LGALS2: variants seen among roughly 807,000 people sequenced by gnomAD.
LGALS2 encodes galectin-2.
Under a neutral mutation model 10.1 loss-of-function variants are expected in LGALS2, and 7 were observed. That is an observed-to-expected ratio of 0.70 (90% CI 0.40 to 1.31). The LOEUF (loss-of-function observed/expected upper bound fraction) is 1.31. Among genes scored for constraint, LGALS2 ranks in the 50% most tolerant of loss-of-function variants. The probability of loss-of-function intolerance (pLI) is 0.01; values close to 1 mark genes in which losing one functional copy is unlikely to be tolerated. For missense variants in LGALS2, 167 were observed against 163.6 expected (o/e 1.02, Z -0.11); for synonymous variants, 86 against 64.2 (o/e 1.34, Z -1.63).
chr22:37,576,574 T>C (rs923549058), intron 1 of LGALS2, among the ~76,000 whole-genome samples: 1 of 151,586 alleles, frequency 6.6e-6, no homozygotes, highest in Non-Finnish European at 1.5e-5. Context: ...AAGACAGGTG[T>C]GCCCGCCACA....
Position 37,570,323 on chromosome 22 carries a change from G to T in LGALS2, c.339C>A (p.His113Gln). 6.2e-7 allele frequency: 1 copy of T among 1,614,046 alleles called. No individual in the cohort carries two copies. The highest frequency in any genetic ancestry group is 8.5e-7 in the Non-Finnish European group (1 of 1,179,884). ...CGCCCCTTACGCTCAGGTAGCTCAGGTGGCTGTGACCCAGCCTGTTGGGAA... is the reference window on the plus strand; with the variant it reads ...CGCCCCTTACGCTCAGGTAGCTCAGTTGGCTGTGACCCAGCCTGTTGGGAA... ...LTFPNRLGHS[H>Q]LSYLSVRGGF... Residue 113 changes from histidine (H) to glutamine (Q), a missense_variant, in exon 4 of 4, where the codon CAC (histidine) becomes CAA (glutamine). Coordinates refer to ENST00000215886, the MANE Select transcript of LGALS2 (RefSeq NM_006498.3).
chr22:37,575,905 G>C (rs1290844802), intron 1 of LGALS2, among the ~76,000 whole-genome samples: 1 of 152,158 alleles, frequency 6.6e-6, no homozygotes, highest in Non-Finnish European at 1.5e-5. Context: ...GCATTTCTTT[G>C]TTGGGGTCTG....
At chr22:37,573,856 G>A (rs1000964964) in intron 1 of LGALS2, among the ~76,000 whole-genome samples, 3 of 150,774 alleles carry the variant, frequency 2.0e-5, no homozygotes, top group Non-Finnish European at 2.9e-5. Flanking sequence ...TCAGCCTCCC[G>A]AGTAGCTGGG....
chr22:37,576,941 G>T (rs1027873494), intron 1 of LGALS2, among the ~76,000 whole-genome samples: 1 of 146,176 alleles, frequency 6.8e-6, no homozygotes, highest in Non-Finnish European at 1.5e-5. Flanking sequence ...AGTCAAAGGC[G>T]CAGAGAGAGA....
Position 37,570,590 on chromosome 22 carries a change from C to A in LGALS2, c.235G>T (p.Gly79Trp), listed in dbSNP as rs902236826. 6.2e-6 allele frequency: 10 copies of A among 1,614,258 alleles called. No individual in the cohort carries two copies. Among genetic ancestry groups the A allele is most frequent in the Non-Finnish European group, 8.5e-6 (10 of 1,180,058 alleles). ...TTTGACCTCACCTTGACCTCTGACC[C>A]TGGGCTGAAGCACAGGTGATCTTCC... ...QREDHLCFSP[G>W]SEVKFTVTFE... Residue 79 changes from glycine (G) to tryptophan (W), a missense_variant, in exon 3 of 4, where the codon GGG becomes TGG. Physicochemically the swap from Gly to Trp is radical, Grantham distance 184. Coordinates refer to ENST00000215886, the MANE Select transcript of LGALS2 (RefSeq NM_006498.3).
At chr22:37,579,263 A>AAAAAAAAAAAAG (rs71195028) in intron 1 of LGALS2, among the ~76,000 whole-genome samples, 2 of 121,276 alleles carry the variant, frequency 1.6e-5, no homozygotes, top group Non-Finnish European at 3.4e-5. Flanking sequence ...AAAAAAAAAA[A>AAAAAAAAAAAAG]AGAGAAAGAA....
chr22:37,576,508 T>C (rs1925687084), intron 1 of LGALS2, among the ~76,000 whole-genome samples: 1 of 149,700 alleles, frequency 6.7e-6, no homozygotes, highest in Non-Finnish European at 1.5e-5. Flanking sequence ...CCATTATCTC[T>C]GGGAGATGAG....
At chr22:37,574,431 G>A (rs1003151357) in intron 1 of LGALS2, among the ~76,000 whole-genome samples, 4 of 150,166 alleles carry the variant, frequency 2.7e-5, no homozygotes, top group Admixed American at 6.7e-5. Context: ...CAAGAGAATC[G>A]CTTGAACCCA....
intron 2 of LGALS2, 63 bp from the exon 3 acceptor site, chr22:37,570,798 G>A: frequency 1.3e-6 from 2 of 1,585,148 alleles, no homozygotes. Context: ...AGCTTGGGTT[G>A]GAGGACCTTG....
chr22:37,574,517 A>C (rs1387827324), intron 1 of LGALS2, among the ~76,000 whole-genome samples: 5 of 151,926 alleles, frequency 3.3e-5, no homozygotes, highest in East Asian at 3.9e-4. Flanking sequence ...AAAAAAAAAA[A>C]AAACTCATTA....
At chr22:37,576,751 C>T (rs1432331324) in intron 1 of LGALS2, among the ~76,000 whole-genome samples, 1 of 152,216 alleles carries the variant, frequency 6.6e-6, no homozygotes, top group Non-Finnish European at 1.5e-5. Flanking sequence ...CCACACTCCC[C>T]TTGCAGCTCC....
chr22:37,576,625 A>G (rs2145822761), intron 1 of LGALS2, among the ~76,000 whole-genome samples: 1 of 152,236 alleles, frequency 6.6e-6, no homozygotes, highest in East Asian at 1.9e-4. Flanking sequence ...ACACACGTCT[A>G]ACACCAAGCA....
intron 2 of LGALS2, 91 bp downstream of exon 2, chr22:37,571,758 G>A (rs1420155227): frequency 3.0e-6 from 3 of 1,007,950 alleles, no homozygotes; most frequent in Non-Finnish European, 4.7e-6. Flanking sequence ...CGTCCCTCTT[G>A]CCTGAGCACT....
chr22:37,573,116 C>A (rs1925554909), intron 1 of LGALS2, among the ~76,000 whole-genome samples: 1 of 149,644 alleles, frequency 6.7e-6, no homozygotes, highest in Non-Finnish European at 1.5e-5. Flanking sequence ...ACTAAAAATG[C>A]AAAAATTAGC....
intron 1 of LGALS2, among the ~76,000 whole-genome samples, chr22:37,572,492 C>G (rs909990808): frequency 2.6e-5 from 4 of 151,486 alleles, no homozygotes; most frequent in Non-Finnish European, 5.9e-5. Flanking sequence ...ATTGGCCGGA[C>G]GCGGTGGCTC....
rs376283445 is a variant in LGALS2 at position 37,571,976 on chromosome 22, C to T, written c.7-45G>A. The T allele has an allele frequency of 2.3e-5, 34 of 1,497,516 alleles. No homozygotes were observed. In the African/African-American group the frequency reaches 4.5e-4, roughly 20 times the overall value. The allele number at this position is 1,497,516 out of a possible 1,614,324, so 92.8% of individuals were successfully genotyped here. On this transcript the variant is annotated intron_variant, in intron 1 of 3. Coordinates refer to ENST00000215886, the MANE Select transcript of LGALS2 (RefSeq NM_006498.3). ...TTCCACTCGAGTCCCCACAGAAAAT[C>T]AATCCCACACTTGCCCAGCAGCTTC...
At chr22:37,570,882 C>T in intron 2 of LGALS2, 147 bp from the exon 3 acceptor site, 1 of 823,036 alleles carries the variant, frequency 1.2e-6, no homozygotes, top group South Asian at 1.5e-5. Flanking sequence ...AGGTAACAAC[C>T]TGCTCAGACT....
chr22:37,573,688 G>A (rs1382923506), intron 1 of LGALS2, among the ~76,000 whole-genome samples: 1 of 152,002 alleles, frequency 6.6e-6, no homozygotes, highest in African/African-American at 2.4e-5. Flanking sequence ...GCAAATCACA[G>A]GACCACCATC....
intron 1 of LGALS2, among the ~76,000 whole-genome samples, chr22:37,577,843 A>G (rs1214006945): frequency 6.6e-6 from 1 of 152,178 alleles, no homozygotes; most frequent in Non-Finnish European, 1.5e-5. Context: ...GTGAAGTTGG[A>G]GGCAGAGATT....
Sources: gnomAD v4.1 joint callset for allele counts (sites outside exome capture counted in the v4.1 genomes callset) on GRCh38, gnomAD v4.1.1 for gene constraint, MANE v1.5 for transcripts, NCBI Gene and HGNC (gene_info 2026-07-23, HGNC 2026-07-21) for gene names.